The following GRIA1 variants were observed in gnomAD, a reference collection of about 807,000 sequenced individuals.
GRIA1 encodes the protein glutamate receptor 1.
Under a neutral mutation model 99.2 loss-of-function variants are expected in GRIA1, and 31 were observed. The ratio of observed to expected loss-of-function variants is 0.31; its 90% CI spans 0.23 to 0.42. The LOEUF is 0.42. Ranked by LOEUF, GRIA1 falls within the 10% of genes least tolerant of loss-of-function variation. GRIA1 has a pLI of 1.00. For missense variants in GRIA1, 782 were observed against 1,157.5 expected, an observed-to-expected ratio of 0.68 and a Z score of 4.71; for synonymous variants, 438 against 432.4, an observed-to-expected ratio of 1.01 and a Z score of -0.16.
At chr5:153,775,613 C>T (rs116501468) in intron 13 of GRIA1, among the ~76,000 whole-genome samples, 2,502 of 152,262 alleles carry the variant, frequency 0.016, 23 homozygotes, top group Non-Finnish European at 0.025. Flanking sequence ...TCACACAAAG[C>T]ACTGTGCATA....
At chr5:153,759,175 A>C (rs1763016869) in intron 11 of GRIA1, among the ~76,000 whole-genome samples, 2 of 151,442 alleles carry the variant, frequency 1.3e-5, no homozygotes, top group Admixed American at 1.3e-4. Context: ...AAAAAAAAAA[A>C]CAGAACAAAC....
chr5:153,582,115 C>T (rs930809442), intron 2 of GRIA1, among the ~76,000 whole-genome samples: 20 of 152,062 alleles, frequency 1.3e-4, no homozygotes, highest in Admixed American at 1.1e-3. Flanking sequence ...ATAAAGGTGC[C>T]GTAGCACAGA....
intron 14 of GRIA1, among the ~76,000 whole-genome samples, chr5:153,797,811 C>T (rs144343842): frequency 9.9e-4 from 151 of 152,312 alleles, no homozygotes; most frequent in African/African-American, 3.3e-3. Flanking sequence ...ATTATTAGAA[C>T]AATGGGCCAG....
chr5:153,703,923 A>G (rs578082760), intron 10 of GRIA1, among the ~76,000 whole-genome samples: 2 of 152,234 alleles, frequency 1.3e-5, no homozygotes, highest in African/African-American at 4.8e-5. Flanking sequence ...TGTCTCCCCC[A>G]TTCTTTTTCT....
chr5:153,793,302 T>C (rs913898349), intron 13 of GRIA1, among the ~76,000 whole-genome samples: 3 of 152,230 alleles, frequency 2.0e-5, no homozygotes, highest in Admixed American at 6.5e-5. Context: ...CTGGGTTTGA[T>C]GGCTTCTTTG....
intron 2 of GRIA1, among the ~76,000 whole-genome samples, chr5:153,552,654 C>T (rs1319024101): frequency 2.0e-5 from 3 of 151,964 alleles, no homozygotes; most frequent in Admixed American, 2.0e-4. Flanking sequence ...ATCTAAGAAC[C>T]AGTACCTTGG....
chr5:153,593,688 G>A (rs1265340855), intron 2 of GRIA1, among the ~76,000 whole-genome samples: 2 of 152,170 alleles, frequency 1.3e-5, no homozygotes, highest in Non-Finnish European at 2.9e-5. Context: ...AGTGTGAGAT[G>A]ATCTCTCAGT....
chr5:153,766,464 T>G (rs1231661511), intron 12 of GRIA1, among the ~76,000 whole-genome samples: 1 of 152,210 alleles, frequency 6.6e-6, no homozygotes, highest in Non-Finnish European at 1.5e-5. Flanking sequence ...GTCCTCAAAG[T>G]ACTTTTGCAC....
intron 2 of GRIA1, among the ~76,000 whole-genome samples, chr5:153,568,745 TCCCTTCATG>T (rs1397014648): frequency 6.6e-6 from 1 of 152,176 alleles, no homozygotes; most frequent in Non-Finnish European, 1.5e-5. Flanking sequence ...TATGCCTTCC[TCCCTTCATG>T]CCCTTCATTG....
intron 7 of GRIA1, among the ~76,000 whole-genome samples, chr5:153,682,484 C>A (rs895164685): frequency 6.6e-6 from 1 of 152,160 alleles, no homozygotes; most frequent in Non-Finnish European, 1.5e-5. Context: ...CTTGCTAAGT[C>A]GGTTTAGCAA....
intron 13 of GRIA1, among the ~76,000 whole-genome samples, chr5:153,787,344 G>A (rs951123378): frequency 1.3e-5 from 2 of 152,112 alleles, no homozygotes; most frequent in Non-Finnish European, 2.9e-5. Context: ...AGGCATTAGA[G>A]GATTCTTTTT....
At chr5:153,742,297 G>A (rs1162967660) in intron 11 of GRIA1, among the ~76,000 whole-genome samples, 2 of 152,120 alleles carry the variant, frequency 1.3e-5, no homozygotes, top group Non-Finnish European at 2.9e-5. Context: ...ACAGGGCGGT[G>A]GATGACTAAC....
intron 6 of GRIA1, among the ~76,000 whole-genome samples, chr5:153,675,983 AG>A (rs1756545355): frequency 1.3e-5 from 2 of 151,898 alleles, no homozygotes; most frequent in Non-Finnish European, 2.9e-5. Flanking sequence ...CAGCCTCCCA[AG>A]TAGCTGGGAC....
intron 4 of GRIA1, among the ~76,000 whole-genome samples, chr5:153,655,340 C>T (rs923921809): frequency 2.6e-5 from 4 of 152,166 alleles, no homozygotes; most frequent in Admixed American, 1.3e-4. Context: ...ATCCACATAC[C>T]CATCTGACCA....
intron 11 of GRIA1, among the ~76,000 whole-genome samples, chr5:153,738,556 C>A (rs1761549557): frequency 6.6e-6 from 1 of 152,024 alleles, no homozygotes; most frequent in African/African-American, 2.4e-5. Context: ...CTAGTGAGCT[C>A]TATTCCTCAC....
At chr5:153,604,904 C>T (rs1439523839) in intron 2 of GRIA1, among the ~76,000 whole-genome samples, 1 of 151,948 alleles carries the variant, frequency 6.6e-6, no homozygotes, top group Non-Finnish European at 1.5e-5. Context: ...ATTTAGAATA[C>T]CTAAAATCAG....
At position 153,574,455 on chromosome 5, in the gene GRIA1, C is replaced by T. The variant is rs879526003; in HGVS notation, c.221-72473C>T. 23 of 152,104 alleles carry T rather than the reference C, an allele frequency of 1.5e-4. No individual in the cohort carries two copies. In the Middle Eastern group the frequency reaches 0.01, roughly 67 times the overall value. The allele number at this position is 152,104 out of a possible 1,614,324, so 9.4% of individuals were successfully genotyped here. ...AAGAGAATAGGAAAAATATAAGCCT[C>T]TTTTTAACTTTAATGCAAAAAAGTC... On this transcript the variant is annotated intron_variant, in intron 2 of 15. Coordinates refer to ENST00000285900, the MANE Select transcript of GRIA1 (RefSeq NM_000827.4).
chr5:153,585,762 C>T (rs948679623), intron 2 of GRIA1, among the ~76,000 whole-genome samples: 3 of 152,144 alleles, frequency 2.0e-5, no homozygotes, highest in Non-Finnish European at 4.4e-5. Context: ...ACTCATATTT[C>T]AGGTCTTAGC....
intron 2 of GRIA1, among the ~76,000 whole-genome samples, chr5:153,549,756 G>T (rs140124819): frequency 7.7e-6 from 1 of 129,744 alleles, no homozygotes; most frequent in Admixed American, 7.5e-5. Flanking sequence ...ATTCCAAGAA[G>T]ATCTTTTTTC....
Sources: allele counts gnomAD v4.1 joint callset (sites outside exome capture counted in the v4.1 genomes callset), GRCh38; gene constraint gnomAD v4.1.1; transcripts MANE v1.5; gene names NCBI Gene and HGNC (gene_info 2026-07-23, HGNC 2026-07-21).